The following NR2C1 variants were observed in gnomAD, a reference collection of about 807,000 sequenced individuals.
NR2C1 encodes TR2 nuclear hormone receptor.
NR2C1 carries 33 observed loss-of-function variants against 74.8 expected under a neutral mutation model. The observed-to-expected ratio is 0.44, with a 90% CI of 0.33 to 0.59. The LOEUF is 0.59. Ranked by LOEUF, NR2C1 falls within the 20% of genes least tolerant of loss-of-function variation. The pLI is 0.02. For missense variants in NR2C1, 568 were observed against 715.6 expected, an observed-to-expected ratio of 0.79 and a Z score of 2.35; for synonymous variants, 225 against 240.6, an observed-to-expected ratio of 0.94 and a Z score of 0.60.
intron 2 of NR2C1, among the ~76,000 whole-genome samples, chr12:95,064,106 A>C (rs1271476332): frequency 6.6e-6 from 1 of 150,490 alleles, no homozygotes; most frequent in Non-Finnish European, 1.5e-5. Context: ...GAGGCGGGCA[A>C]CTCATGAGGT....
rs899683567 is a variant in NR2C1 at position 95,048,622 on chromosome 12, G to GTTTTTT, written c.1131+440_1131+445dup. On this transcript the variant is annotated intron_variant, in intron 9 of 13. Transcript: ENST00000333003. The stretch of plus-strand genomic sequence containing the variant: ...ACATTTTGTTTCTATATGCAGATGA[G>GTTTTTT]TTTTTTTTTTTTTTTTTTTGAGACA... Among the ~76,000 whole-genome samples the GTTTTTT allele has an allele frequency of 4.7e-4, 61 of 130,502 alleles. 3 individuals are homozygous for GTTTTTT. Among genetic ancestry groups the GTTTTTT allele is most frequent in the African/African-American group, 1.3e-3 (46 of 36,120 alleles). The allele number at this position is 130,502 out of a possible 152,430, so 85.6% of individuals were successfully genotyped here.
chr12:95,047,881 T>C (rs1319016676), intron 9 of NR2C1, among the ~76,000 whole-genome samples: 1 of 152,206 alleles, frequency 6.6e-6, no homozygotes, highest in East Asian at 1.9e-4. Flanking sequence ...ATGTATTATT[T>C]CTAGTATTCT....
chr12:95,063,101 G>A (rs2136191943), intron 2 of NR2C1, among the ~76,000 whole-genome samples: 1 of 152,280 alleles, frequency 6.6e-6, no homozygotes, highest in African/African-American at 2.4e-5. Context: ...GGGAAAGACA[G>A]ATAATAAATA....
intron 3 of NR2C1, 35 bp from the exon 4 acceptor site, chr12:95,060,019 C>T (rs1163096870): frequency 6.3e-6 from 9 of 1,428,926 alleles, no homozygotes; most frequent in East Asian, 2.5e-5. Flanking sequence ...AAAACAAAAA[C>T]GAAAACCTGT....
intron 1 of NR2C1, among the ~76,000 whole-genome samples, chr12:95,072,455 C>CAAAAAAAAA (rs570185714): frequency 1.7e-5 from 1 of 60,310 alleles, no homozygotes; most frequent in Non-Finnish European, 3.3e-5. Flanking sequence ...CTCTCCCTCT[C>CAAAAAAAAA]AAAAAAAAAA....
chr12:95,069,429 GTTAC>G (rs1340372023), intron 1 of NR2C1, among the ~76,000 whole-genome samples: 1 of 152,098 alleles, frequency 6.6e-6, no homozygotes, highest in Non-Finnish European at 1.5e-5. Flanking sequence ...GTTTAGATTT[GTTAC>G]TTACATAAAT....
At chr12:95,034,555 T>C (rs1401386548) in intron 10 of NR2C1, among the ~76,000 whole-genome samples, 2 of 152,180 alleles carry the variant, frequency 1.3e-5, no homozygotes, top group Non-Finnish European at 1.5e-5. Context: ...ATGTGCACTT[T>C]CTTAGACCCA....
At chr12:95,030,537 A>G in intron 11 of NR2C1, 1 of 1,608,476 alleles carries the variant, frequency 6.2e-7, no homozygotes, top group Non-Finnish European at 8.5e-7. Flanking sequence ...TAAGACATGA[A>G]CCAGGGGTAG....
intron 9 of NR2C1, among the ~76,000 whole-genome samples, chr12:95,041,135 GCA>G (rs1871472490): frequency 6.6e-6 from 1 of 152,124 alleles, no homozygotes; most frequent in Non-Finnish European, 1.5e-5. Context: ...TGTGGGCTGA[GCA>G]CTGCCAGCTC....
chr12:95,073,525 T>G lies in NR2C1; in HGVS notation c.-153A>C, dbSNP rs1445852029. 6.6e-6 allele frequency: 1 copy of G among 152,226 alleles called. No homozygotes were observed. The highest frequency in any genetic ancestry group is 6.5e-5 in the Admixed American group (1 of 15,286). The allele number at this position is 152,226 out of a possible 1,614,324, so 9.4% of individuals were successfully genotyped here. On this transcript the variant is annotated 5_prime_UTR_variant, in exon 1 of 14. Coordinates refer to ENST00000333003, the MANE Select transcript of NR2C1 (RefSeq NM_003297.4). ...GATCGAGATTCACGGCGGAGAGAGCTTTCTGTGTTTGGGTATTTCTGGGGG... is the reference window on the plus strand; with the variant it reads ...GATCGAGATTCACGGCGGAGAGAGCGTTCTGTGTTTGGGTATTTCTGGGGG...
chr12:95,070,288 T>G (rs1240878653), intron 1 of NR2C1, among the ~76,000 whole-genome samples: 2 of 152,020 alleles, frequency 1.3e-5, no homozygotes, highest in South Asian at 4.1e-4. Context: ...TGCACCACCA[T>G]GCCCAGGTAC....
At chr12:95,031,235 T>C in intron 11 of NR2C1, 114 bp downstream of exon 11, 2 of 829,504 alleles carry the variant, frequency 2.4e-6, no homozygotes, top group Non-Finnish European at 3.4e-6. Flanking sequence ...AGAAGAGCAT[T>C]GGTACCTAAA....
At chr12:95,022,495 AATT>A (rs1868875831) in intron 13 of NR2C1, 92 bp from the exon 14 acceptor site, 1 of 1,006,760 alleles carries the variant, frequency 9.9e-7, no homozygotes, top group Non-Finnish European at 1.5e-6. Context: ...CATGTGGCCT[AATT>A]TAATAAAGAT....
chr12:95,033,043 G>A (rs11107868), intron 10 of NR2C1, among the ~76,000 whole-genome samples: 9,950 of 151,942 alleles, frequency 0.065, 408 homozygotes, highest in East Asian at 0.15. Flanking sequence ...GTTGAGGTGG[G>A]AGGACTGCTT....
intron 3 of NR2C1, among the ~76,000 whole-genome samples, chr12:95,061,886 C>T (rs958456706): frequency 1.8e-4 from 27 of 152,058 alleles, no homozygotes; most frequent in African/African-American, 4.8e-4. Context: ...TCTATTCTAG[C>T]GAAAACTAAA....
intron 10 of NR2C1, among the ~76,000 whole-genome samples, chr12:95,032,266 C>CCCAGGATTTTA (rs1314064992): frequency 1.3e-5 from 2 of 152,058 alleles, no homozygotes; most frequent in East Asian, 1.9e-4. Context: ...AAATAAGATA[C>CCCAGGATTTTA]CCAGGATTTT....
Position 95,022,088 on chromosome 12 carries a change from G to C in NR2C1, c.*141C>G, listed in dbSNP as rs997999371. ...CCCAGTCACTTCAAAAATTCTTAAG[G>C]GAAGCTAAAATAAAAATACCTTGGA... On this transcript the variant is annotated 3_prime_UTR_variant, in exon 14 of 14. Transcript: ENST00000333003. The C allele has an allele frequency of 8.6e-6, 5 of 583,576 alleles. No individual in the cohort carries two copies. Among genetic ancestry groups the C allele is most frequent in the Non-Finnish European group, 1.4e-5 (5 of 365,220 alleles). 36.1% of individuals were successfully genotyped at this position (583,576 alleles called of 1,614,324 possible).
intron 3 of NR2C1, among the ~76,000 whole-genome samples, chr12:95,060,469 C>T (rs1592784011): frequency 6.6e-6 from 1 of 152,138 alleles, no homozygotes; most frequent in South Asian, 2.1e-4. Flanking sequence ...GCCTGGCCTA[C>T]GTGGTGAAAC....
intron 7 of NR2C1, among the ~76,000 whole-genome samples, chr12:95,055,984 C>T (rs1873796761): frequency 6.6e-6 from 1 of 150,546 alleles, no homozygotes; most frequent in African/African-American, 2.5e-5. Context: ...AATCAGATCC[C>T]AGCTAGGTAG....
Sources: allele counts gnomAD v4.1 joint callset (sites outside exome capture counted in the v4.1 genomes callset), GRCh38; gene constraint gnomAD v4.1.1; transcripts MANE v1.5; gene names NCBI Gene and HGNC (gene_info 2026-07-23, HGNC 2026-07-21).